Variants in RIMBP2 observed in about 807,000 individuals in gnomAD.
RIMBP2 encodes RIMS binding protein 2, also known as RIMS-binding protein 2.
Under a neutral mutation model 118.6 loss-of-function variants are expected in RIMBP2, and 48 were observed. That is an observed-to-expected ratio of 0.40 (90% confidence interval 0.32 to 0.51). The LOEUF (loss-of-function observed/expected upper bound fraction) is 0.51, where lower values mean the gene tolerates loss of function less well. RIMBP2 is among the 20% of genes least tolerant of loss of function. The pLI, the probability that RIMBP2 is intolerant of heterozygous loss-of-function variation, is 0.41. For synonymous variants in RIMBP2, 762 were observed against 742.9 expected (o/e 1.03, Z -0.42); for missense variants, 1,551 against 1,768.3 (o/e 0.88, Z 2.20).
At chr12:130,496,591 C>T (rs1181936341) in intron 4 of RIMBP2, among the ~76,000 whole-genome samples, 1 of 152,116 alleles carries the variant, frequency 6.6e-6, no homozygotes, top group African/African-American at 2.4e-5. Context: ...CACAGTGATA[C>T]CTCATGAAAG....
intron 19 of RIMBP2, 103 bp from the exon 20 acceptor site, chr12:130,407,932 T>G: frequency 9.8e-7 from 1 of 1,019,758 alleles, no homozygotes; most frequent in Non-Finnish European, 1.5e-6. Flanking sequence ...AGCCGAGACC[T>G]GGCACTGCTA....
chr12:130,445,437 G>A (rs2078447522), intron 9 of RIMBP2, among the ~76,000 whole-genome samples, 168 bp from the exon 10 acceptor site: 1 of 151,746 alleles, frequency 6.6e-6, no homozygotes, highest in African/African-American at 2.4e-5. Flanking sequence ...GGAAATTCAA[G>A]CCACTGCCAG....
Position 130,617,135 on chromosome 12 carries a change from C to T in RIMBP2, c.-217+11187G>A, listed in dbSNP as rs1233617057. On this transcript the variant is annotated intron_variant, in intron 2 of 22. Transcript: ENST00000690449. The surrounding 1 kb of genome is among the most constrained non-coding windows in gnomAD (Gnocchi z 4.6). ...GGCCAGGCCTGGTGCTGAGACCCTA[C>T]CAGTCTCTTCTGTGTTTCATTGTCA... 6.6e-6 allele frequency among the ~76,000 whole-genome samples: 1 copy of T among 152,174 alleles called. No homozygotes were observed. The highest frequency in any genetic ancestry group is 2.4e-5 in the African/African-American group (1 of 41,450).
chr12:130,687,717 C>A (rs1354990664), intron 1 of RIMBP2, among the ~76,000 whole-genome samples: 2 of 152,152 alleles, frequency 1.3e-5, no homozygotes, highest in African/African-American at 4.8e-5. Flanking sequence ...TCATCTGAAG[C>A]ATATAGACTT....
At chr12:130,435,400 T>C (rs1040869836) in intron 13 of RIMBP2, among the ~76,000 whole-genome samples, 8 of 152,304 alleles carry the variant, frequency 5.3e-5, no homozygotes, top group Admixed American at 2.0e-4. Context: ...ATTCCCTCCA[T>C]TGGTCTCCTC....
At chr12:130,563,534 CG>C (rs1373959510) in intron 2 of RIMBP2, among the ~76,000 whole-genome samples, 2 of 152,216 alleles carry the variant, frequency 1.3e-5, no homozygotes, top group African/African-American at 4.8e-5. Context: ...AGTATGAAAA[CG>C]GTGACTCATC....
chr12:130,646,142 A>G (rs1358752609), intron 1 of RIMBP2, among the ~76,000 whole-genome samples: 157 of 38,162 alleles, frequency 4.1e-3, no homozygotes, highest in African/African-American at 0.014. Flanking sequence ...CACCTCCCTC[A>G]CCACCTGCCT....
At chr12:130,457,916 C>T (rs2079591114) in intron 6 of RIMBP2, among the ~76,000 whole-genome samples, 1 of 152,160 alleles carries the variant, frequency 6.6e-6, no homozygotes, top group Non-Finnish European at 1.5e-5. Context: ...TGGCCGGGAA[C>T]ATCCCATTTA....
chr12:130,649,192 G>A (rs1054739119), intron 1 of RIMBP2, among the ~76,000 whole-genome samples: 10 of 146,116 alleles, frequency 6.8e-5, no homozygotes, highest in African/African-American at 2.4e-4. Flanking sequence ...GGACAGAACC[G>A]TGCCAAGCGC....
In RIMBP2 at chr12:130,576,218, T is replaced by G. The variant is rs552640827; in HGVS notation, c.-217+52104A>C. Among the ~76,000 whole-genome samples the G allele has an allele frequency of 2.2e-4, 33 of 152,278 alleles. No individual in the cohort carries two copies. Among genetic ancestry groups the G allele is most frequent in the African/African-American group, 6.7e-4 (28 of 41,552 alleles). On this transcript the variant is annotated intron_variant, in intron 2 of 22. Transcript: ENST00000690449. The surrounding 1 kb of genome is among the most constrained non-coding windows in gnomAD (Gnocchi z 4.2). ...TCCTGAGCATGAGAAGACGTCTTTT[T>G]TACCTTTCTGTATCTTTTAATGTGT...
rs888929550 is a variant in RIMBP2 at position 130,590,425 on chromosome 12, C to G, written c.-217+37897G>C. Among the ~76,000 whole-genome samples, 3 of 152,288 alleles carry G rather than the reference C, an allele frequency of 2.0e-5. No homozygotes were observed. The East Asian group carries it at 5.8e-4, about 29-fold the overall frequency. ...AGCTCAAGCTTGCATCCCCACTGTC[C>G]CTCAGCTCCGCCCATCAGAGTCCCC... is the stretch of plus-strand genomic sequence containing the variant. On this transcript the variant is annotated intron_variant, in intron 2 of 22. Transcript: ENST00000690449.
chr12:130,441,785 A>G (rs1289057503), intron 11 of RIMBP2, 63 bp downstream of exon 11: 81 of 1,447,210 alleles, frequency 5.6e-5, no homozygotes, highest in South Asian at 3.7e-4. Flanking sequence ...TTCCCTCCCC[A>G]CTAGCAGGGT....
intron 2 of RIMBP2, among the ~76,000 whole-genome samples, chr12:130,551,399 G>C (rs1048662125): frequency 6.6e-6 from 1 of 152,180 alleles, no homozygotes; most frequent in Non-Finnish European, 1.5e-5. Context: ...CACTTCATCT[G>C]TCTTATCTGT....
At chr12:130,676,344 G>T (rs1050035758) in intron 1 of RIMBP2, among the ~76,000 whole-genome samples, 6 of 149,386 alleles carry the variant, frequency 4.0e-5, no homozygotes, top group Non-Finnish European at 8.9e-5. Flanking sequence ...AAAAACGGGG[G>T]CCAGGCACGG....
intron 17 of RIMBP2, among the ~76,000 whole-genome samples, chr12:130,418,983 G>A (rs972706181): frequency 6.6e-6 from 1 of 152,204 alleles, no homozygotes; most frequent in Non-Finnish European, 1.5e-5. Flanking sequence ...GACAGGTGTG[G>A]GGTAGAGGTG....
intron 2 of RIMBP2, among the ~76,000 whole-genome samples, chr12:130,563,300 A>G (rs1325727710): frequency 2.0e-5 from 3 of 152,240 alleles, no homozygotes; most frequent in Non-Finnish European, 4.4e-5. Flanking sequence ...CCTCTTCCTC[A>G]ACAAGACACC....
chr12:130,549,864 G>A lies in RIMBP2; in HGVS notation c.-216-31947C>T, dbSNP rs573489816. Among the ~76,000 whole-genome samples the A allele has an allele frequency of 3.3e-5, 5 of 152,182 alleles. No homozygotes were observed. In the East Asian group the frequency reaches 5.8e-4, roughly 18 times the overall value. On this transcript the variant is annotated intron_variant, in intron 2 of 22. Coordinates refer to ENST00000690449, the MANE Select transcript of RIMBP2 (RefSeq NM_001393629.1). ...GGTAGAATGATTTACATTCCTCTGG[G>A]TATATATCCAGTAATGGGATTGCTG...
chr12:130,553,949 A>G (rs1295953466), intron 2 of RIMBP2, among the ~76,000 whole-genome samples: 1 of 152,222 alleles, frequency 6.6e-6, no homozygotes, highest in Non-Finnish European at 1.5e-5. Context: ...CTCTAGATTT[A>G]TGGGATCACA....
intron 1 of RIMBP2, among the ~76,000 whole-genome samples, chr12:130,659,703 T>C (rs1295269873): frequency 2.0e-5 from 3 of 152,140 alleles, no homozygotes; most frequent in Non-Finnish European, 4.4e-5. Flanking sequence ...CCGGGCACGG[T>C]GGCTCATGCC....
Sources: gnomAD v4.1 joint callset for allele counts (sites outside exome capture counted in the v4.1 genomes callset) on GRCh38, gnomAD v4.1.1 for gene constraint, Gnocchi (gnomAD v3.1) non-coding constraint, MANE v1.5 for transcripts, NCBI Gene and HGNC (gene_info 2026-07-23, HGNC 2026-07-21) for gene names.